Variants in SMYD3 observed in about 807,000 individuals in gnomAD.
SMYD3 encodes SET and MYND domain containing 3, also known as histone-lysine N-methyltransferase SMYD3.
A neutral mutation model predicts 57.7 loss-of-function variants in SMYD3; 36 were observed. That is an observed-to-expected ratio of 0.62 (90% CI 0.48 to 0.82). The LOEUF (loss-of-function observed/expected upper bound fraction) is 0.82, where lower values mean the gene tolerates loss of function less well. Among genes scored for constraint, SMYD3 ranks in the 40% least tolerant of loss-of-function variants. The pLI is 0.00. For missense variants in SMYD3, 515 were observed against 538.8 expected, an observed-to-expected ratio of 0.96 and a Z score of 0.44; for synonymous variants, 211 against 195.0, an observed-to-expected ratio of 1.08 and a Z score of -0.68.
At chr1:246,082,577 T>G (rs968246941) in intron 5 of SMYD3, among the ~76,000 whole-genome samples, 1 of 152,200 alleles carries the variant, frequency 6.6e-6, no homozygotes, top group Non-Finnish European at 1.5e-5. Flanking sequence ...TTCTGAGTTC[T>G]TGGTGAGACT....
intron 5 of SMYD3, among the ~76,000 whole-genome samples, chr1:245,971,253 C>T (rs926529737): frequency 2.0e-5 from 3 of 152,148 alleles, no homozygotes; most frequent in Non-Finnish European, 2.9e-5. Context: ...ACAATGAGAA[C>T]ACGTGGACAC....
intron 1 of SMYD3, 76 bp downstream of exon 1, chr1:246,506,978 G>GCCCCCCCCCCCCCCCCC: frequency 1.1e-5 from 13 of 1,174,498 alleles, no homozygotes; most frequent in East Asian, 3.5e-5. Flanking sequence ...CGCGGCTGCC[G>GCCCCCCCCCCCCCCCCC]GCCGCCCGAC....
At chr1:245,785,831 T>C (rs533036911) in intron 10 of SMYD3, among the ~76,000 whole-genome samples, 1 of 152,246 alleles carries the variant, frequency 6.6e-6, no homozygotes, top group Non-Finnish European at 1.5e-5. Flanking sequence ...CCCAAGTAGC[T>C]AGGACTACAG....
chr1:246,503,189 G>A (rs1037394433), intron 1 of SMYD3, among the ~76,000 whole-genome samples: 9 of 152,118 alleles, frequency 5.9e-5, no homozygotes, highest in Non-Finnish European at 1.2e-4. Flanking sequence ...CTGTCCCCCC[G>A]CTGCCCACAA....
chr1:246,363,408 G>C (rs1367407165), intron 1 of SMYD3, among the ~76,000 whole-genome samples: 1 of 152,058 alleles, frequency 6.6e-6, no homozygotes, highest in Non-Finnish European at 1.5e-5. Context: ...CCACCACCCC[G>C]TCTGGGAGGT....
intron 5 of SMYD3, among the ~76,000 whole-genome samples, chr1:246,150,844 G>A (rs1427728357): frequency 6.6e-6 from 1 of 152,190 alleles, no homozygotes; most frequent in Non-Finnish European, 1.5e-5. Flanking sequence ...AAAGAGCCAA[G>A]AAGTCTTAAA....
At chr1:245,752,938 C>T in intron 11 of SMYD3, among the ~76,000 whole-genome samples, 1 of 152,200 alleles carries the variant, frequency 6.6e-6, no homozygotes, top group Non-Finnish European at 1.5e-5. Context: ...CATTCCATGA[C>T]TGCATTGTGC....
At chr1:246,294,393 G>T (rs886903947) in intron 5 of SMYD3, among the ~76,000 whole-genome samples, 1 of 152,028 alleles carries the variant, frequency 6.6e-6, no homozygotes, top group African/African-American at 2.4e-5. Flanking sequence ...TCTTACTGAG[G>T]GCTGACTACC....
At chr1:246,186,811 A>ACATTCC in intron 5 of SMYD3, 1 of 985,452 alleles carries the variant, frequency 1.0e-6, no homozygotes, top group Non-Finnish European at 1.2e-6. Context: ...AGGCTGTATC[A>ACATTCC]CATTCCGGTC....
chr1:246,442,309 C>A (rs1159626879), intron 1 of SMYD3, among the ~76,000 whole-genome samples: 1 of 152,176 alleles, frequency 6.6e-6, no homozygotes, highest in Non-Finnish European at 1.5e-5. Context: ...GTAATCCCAG[C>A]ACTTTGGGAG....
chr1:246,436,058 T>G (rs1457127079), intron 1 of SMYD3, among the ~76,000 whole-genome samples: 2 of 152,134 alleles, frequency 1.3e-5, no homozygotes, highest in Admixed American at 6.5e-5. Context: ...CAAGTTTTTT[T>G]AAAATTATTA....
intron 1 of SMYD3, among the ~76,000 whole-genome samples, chr1:246,489,317 A>G (rs1391160193): frequency 6.6e-6 from 1 of 152,132 alleles, no homozygotes; most frequent in Non-Finnish European, 1.5e-5. Flanking sequence ...ATGCCACTGC[A>G]CTCCAGCCTG....
intron 5 of SMYD3, among the ~76,000 whole-genome samples, chr1:245,957,581 C>T (rs1191805192): frequency 2.0e-5 from 3 of 152,230 alleles, no homozygotes; most frequent in Non-Finnish European, 2.9e-5. Context: ...GTATTTCTTA[C>T]ACCCGCTTGG....
At chr1:246,037,557 C>G (rs1183551359) in intron 5 of SMYD3, among the ~76,000 whole-genome samples, 1 of 152,250 alleles carries the variant, frequency 6.6e-6, no homozygotes. Context: ...TCCATGATCA[C>G]AGCCTTCTTC....
intron 10 of SMYD3, among the ~76,000 whole-genome samples, chr1:245,808,198 C>T (rs893610584): frequency 2.0e-5 from 3 of 152,098 alleles, no homozygotes; most frequent in African/African-American, 7.2e-5. Context: ...AGATAAACGC[C>T]CTTGGCTGGG....
chr1:246,055,201 T>C (rs1482040988), intron 5 of SMYD3, among the ~76,000 whole-genome samples: 3 of 148,920 alleles, frequency 2.0e-5, no homozygotes, highest in Non-Finnish European at 4.5e-5. Flanking sequence ...AAAAAACAAA[T>C]GTTGGCAAGG....
At chr1:246,028,112 C>A (rs2059608065) in intron 5 of SMYD3, among the ~76,000 whole-genome samples, 1 of 152,136 alleles carries the variant, frequency 6.6e-6, no homozygotes, top group Non-Finnish European at 1.5e-5. Context: ...GAACAACAAT[C>A]TTGACAATGC....
intron 5 of SMYD3, among the ~76,000 whole-genome samples, chr1:246,023,558 T>C (rs1279309311): frequency 6.6e-6 from 1 of 152,220 alleles, no homozygotes; most frequent in Non-Finnish European, 1.5e-5. Context: ...AAAGGACTTA[T>C]GTTTTGTACT....
intron 5 of SMYD3, among the ~76,000 whole-genome samples, chr1:246,136,890 C>A (rs1341524266): frequency 6.6e-6 from 1 of 152,132 alleles, no homozygotes; most frequent in African/African-American, 2.4e-5. Context: ...GCACAGTCTG[C>A]CCAACTGTAT....
Sources: gnomAD v4.1 joint callset for allele counts (sites outside exome capture counted in the v4.1 genomes callset) on GRCh38, gnomAD v4.1.1 for gene constraint, MANE v1.5 for transcripts, NCBI Gene and HGNC (gene_info 2026-07-23, HGNC 2026-07-21) for gene names.